CDON: variants seen among roughly 807,000 people sequenced by gnomAD.
CDON encodes the protein cell adhesion molecule-related/down-regulated by oncogenes.
In CDON, 73 loss-of-function variants were observed where a neutral mutation model predicts 120.9. That is an observed-to-expected ratio of 0.60 (90% CI 0.50 to 0.73). The LOEUF is 0.73. Among genes scored for constraint, CDON ranks in the 30% least tolerant of loss-of-function variants. The pLI is 0.00. For synonymous variants in CDON, 566 were observed against 573.5 expected (o/e 0.99, Z 0.19); for missense variants, 1,470 against 1,587.3 (o/e 0.93, Z 1.26).
intron 7 of CDON, among the ~76,000 whole-genome samples, chr11:126,011,969 A>G (rs1236705124): frequency 6.6e-6 from 1 of 152,214 alleles, no homozygotes; most frequent in Non-Finnish European, 1.5e-5. Context: ...GCTGATCTGC[A>G]ATGCCGGCTC....
At chr11:126,061,914 G>A (rs1591445465) in intron 1 of CDON, among the ~76,000 whole-genome samples, 2 of 152,280 alleles carry the variant, frequency 1.3e-5, no homozygotes, top group South Asian at 2.1e-4. Context: ...TGAAGGGAAG[G>A]GCAAGAGAGT....
At chr11:126,056,132 A>C (rs1408358055) in intron 1 of CDON, among the ~76,000 whole-genome samples, 1 of 152,252 alleles carries the variant, frequency 6.6e-6, no homozygotes, top group Non-Finnish European at 1.5e-5. Flanking sequence ...TTCTTCCCAC[A>C]GCAGCCTTTG....
At chr11:126,033,617 G>A (rs1948010063) in intron 1 of CDON, among the ~76,000 whole-genome samples, 1 of 152,182 alleles carries the variant, frequency 6.6e-6, no homozygotes, top group South Asian at 2.1e-4. Flanking sequence ...ATTTCACACT[G>A]TTATACCTTT....
At position 126,034,604 on chromosome 11, in the gene CDON, A is replaced by G. The variant is rs892230297; in HGVS notation, c.-61-11067T>C. 6.6e-6 allele frequency among the ~76,000 whole-genome samples: 1 copy of G among 152,186 alleles called. No homozygotes were observed. Among genetic ancestry groups the G allele is most frequent in the Non-Finnish European group, 1.5e-5 (1 of 68,040 alleles). On this transcript the variant is annotated intron_variant, in intron 1 of 19. Transcript: ENST00000531738. The surrounding 1 kb of genome is among the most constrained non-coding windows in gnomAD (Gnocchi z 4.5). ...AGAGACTATTTCTTCCTGCCACTAG[A>G]GCACAGGAAGCCAAGAATTGTGAAG...
intron 1 of CDON, among the ~76,000 whole-genome samples, chr11:126,058,878 T>C (rs1224678548): frequency 1.3e-5 from 2 of 152,246 alleles, no homozygotes; most frequent in Non-Finnish European, 2.9e-5. Context: ...TTTTACAGAA[T>C]GTTTTTGGCA....
At chr11:126,038,857 A>G (rs1948174362) in intron 1 of CDON, among the ~76,000 whole-genome samples, 1 of 152,198 alleles carries the variant, frequency 6.6e-6, no homozygotes, top group African/African-American at 2.4e-5. Context: ...TAGGTATTCC[A>G]AAACATAAGA....
In CDON at chr11:126,010,540, T is replaced by TTGAGATGGATGGCTGGTTA. The variant is rs759851615; in HGVS notation, c.1334_1352dup (p.Gln451HisfsTer22). On this transcript the variant is annotated frameshift_variant, in exon 8 of 20. Transcript: ENST00000531738. LOFTEE classifies it high-confidence loss of function. ...ATTTTCGGGATTTCGATCTCAGGAC[T>TTGAGATGGATGGCTGGTTA]TGAGATGGATGGCTGGTTATCAATC... 12 of 1,614,012 alleles carry TTGAGATGGATGGCTGGTTA rather than the reference T, an allele frequency of 7.4e-6. No homozygotes were observed. Among genetic ancestry groups the TTGAGATGGATGGCTGGTTA allele is most frequent in the Non-Finnish European group, 1.0e-5 (12 of 1,180,002 alleles).
Position 125,969,446 on chromosome 11 carries a change from T to C in CDON, c.3357-7448A>G, listed in dbSNP as rs547036672. 3.3e-5 allele frequency among the ~76,000 whole-genome samples: 5 copies of C among 152,332 alleles called. No individual in the cohort carries two copies. The East Asian group carries it at 9.6e-4, about 29-fold the overall frequency. Reference sequence around the variant, plus strand: ...AACAGGACAAATGTCTGCAAACATATGACATTCAATAAAATGCTCTCACAA... The same window carrying C: ...AACAGGACAAATGTCTGCAAACATACGACATTCAATAAAATGCTCTCACAA... On this transcript the variant is annotated intron_variant, in intron 18 of 19. Transcript: ENST00000531738.
intron 1 of CDON, among the ~76,000 whole-genome samples, chr11:126,043,673 C>T (rs1948326880): frequency 6.6e-6 from 1 of 152,228 alleles, no homozygotes; most frequent in African/African-American, 2.4e-5. Context: ...CCCAGGGCAA[C>T]CCCAGGCCTA....
At chr11:125,975,886 G>C (rs775929654) in intron 18 of CDON, among the ~76,000 whole-genome samples, 10 of 152,120 alleles carry the variant, frequency 6.6e-5, no homozygotes, top group Non-Finnish European at 1.3e-4. Context: ...CCTGGGTAGT[G>C]CTCAGTAAAT....
At chr11:126,010,972 T>C in intron 7 of CDON, 1 of 495,902 alleles carries the variant, frequency 2.0e-6, no homozygotes, top group Non-Finnish European at 3.9e-6. Flanking sequence ...TTTCTGAAGG[T>C]ACACTACACA....
intron 18 of CDON, among the ~76,000 whole-genome samples, chr11:125,976,613 A>C (rs1353459563): frequency 1.2e-5 from 1 of 86,530 alleles, no homozygotes; most frequent in East Asian, 2.6e-4. Context: ...GCACACACAC[A>C]CACAAACACA....
intron 18 of CDON, among the ~76,000 whole-genome samples, chr11:125,965,286 T>C (rs1358621708): frequency 6.6e-6 from 1 of 152,184 alleles, no homozygotes; most frequent in African/African-American, 2.4e-5. Flanking sequence ...GATTAGCTTG[T>C]ATCAGAACAA....
chr11:125,981,511 CA>C (rs1478507898), intron 16 of CDON, among the ~76,000 whole-genome samples, 182 bp from the exon 17 acceptor site: 6 of 152,112 alleles, frequency 3.9e-5, no homozygotes, highest in Non-Finnish European at 7.4e-5. Flanking sequence ...TACGAAACTA[CA>C]AATAGACTAA....
In CDON at chr11:125,961,056, A is replaced by G. The variant is rs1361834552; in HGVS notation, c.3681T>C (p.Asn1227=). Reference sequence around the variant, plus strand: ...CGGGGACAGGTGGCAAAATAAGAGCATTCCAACTTACAATGTTGATCTCTG... The same window carrying G: ...CGGGGACAGGTGGCAAAATAAGAGCGTTCCAACTTACAATGTTGATCTCTG... ...SETEINIVSW[N]ALILPPVPEG... is the part of the protein sequence containing the mutation. Residue 1227 remains asparagine, a synonymous_variant, in exon 20 of 20, where the codon AAT becomes AAC. Transcript: ENST00000531738. The G allele has an allele frequency of 6.2e-7, 1 of 1,614,046 alleles. No homozygotes were observed. The highest frequency in any genetic ancestry group is 2.2e-5 in the East Asian group (1 of 44,878).
intron 1 of CDON, among the ~76,000 whole-genome samples, chr11:126,038,240 G>A (rs950167248): frequency 1.3e-5 from 2 of 152,138 alleles, no homozygotes; most frequent in Admixed American, 6.5e-5. Context: ...CTTTGTGAAC[G>A]TCACAGCCAC....
At chr11:125,966,553 C>T (rs1221955820) in intron 18 of CDON, among the ~76,000 whole-genome samples, 4 of 152,210 alleles carry the variant, frequency 2.6e-5, no homozygotes, top group East Asian at 1.9e-4. Context: ...CAACAGAAGC[C>T]GCACTGGAGA....
rs553670863 is a variant in CDON, at chr11:125,971,240, G to A, written c.3356+7064C>T. ...CTACTAAAAACATAAAAAATTAGCT[G>A]GGTGTGGTGGCGGGCACTTGTAGTC... On this transcript the variant is annotated intron_variant, in intron 18 of 19. Transcript: ENST00000531738. Among the ~76,000 whole-genome samples, 93 of 152,114 alleles carry A rather than the reference G, an allele frequency of 6.1e-4. 1 individual carries two copies. Among genetic ancestry groups the A allele is most frequent in the Middle Eastern group, 3.4e-3 (1 of 294 alleles).
At chr11:125,989,899 G>T in intron 14 of CDON, 140 bp from the exon 15 acceptor site, 2 of 716,500 alleles carry the variant, frequency 2.8e-6, no homozygotes, top group South Asian at 1.6e-5. Context: ...GTACTTAATA[G>T]TAAGTATTTG....
Sources: allele counts gnomAD v4.1 joint callset (sites outside exome capture counted in the v4.1 genomes callset), GRCh38; gene constraint gnomAD v4.1.1; non-coding constraint Gnocchi (gnomAD v3.1); transcripts MANE v1.5; gene names NCBI Gene and HGNC (gene_info 2026-07-23, HGNC 2026-07-21).